The following CDIN1 variants were observed in gnomAD, a reference collection of about 807,000 sequenced individuals.
CDIN1 encodes the protein CDAN1-interacting nuclease 1.
In CDIN1, 33 loss-of-function variants were observed where a neutral mutation model predicts 45.3. The observed-to-expected ratio is 0.73, with a 90% confidence interval of 0.55 to 0.97. The LOEUF (loss-of-function observed/expected upper bound fraction) is 0.97, where lower values mean the gene tolerates loss of function less well. Among genes scored for constraint, CDIN1 ranks in the 50% least tolerant of loss-of-function variants. The pLI, the probability that CDIN1 is intolerant of heterozygous loss-of-function variation, is 0.00. For missense variants in CDIN1, 303 were observed against 339.4 expected, an observed-to-expected ratio of 0.89 and a Z score of 0.84; for synonymous variants, 118 against 124.4, an observed-to-expected ratio of 0.95 and a Z score of 0.34.
rs142354965 is a variant in CDIN1, at chr15:36,653,860, G to C, written c.213-238G>C. ...GTAGGAGGTGAAAGAAAACAAGGGA[G>C]ACCTAAGTATTTACACCTTCTGCCC... On this transcript the variant is annotated intron_variant, in intron 3 of 10. Transcript: ENST00000566621. Among the ~76,000 whole-genome samples, 207 of 152,324 alleles carry C rather than the reference G, an allele frequency of 1.4e-3. 1 individual carries two copies. The Middle Eastern group carries it at 0.017, about 13-fold the overall frequency.
chr15:36,582,280 AG>A (rs1376612768), intron 1 of CDIN1, among the ~76,000 whole-genome samples: 1 of 152,228 alleles, frequency 6.6e-6, no homozygotes, highest in Non-Finnish European at 1.5e-5. Context: ...CAGTCATACA[AG>A]TGCTTTCCTG....
At chr15:36,704,936 G>A (rs897684156) in intron 8 of CDIN1, 1 of 152,104 alleles carries the variant, frequency 6.6e-6, no homozygotes, top group Non-Finnish European at 1.5e-5. Flanking sequence ...TGATTCTTAA[G>A]TATATGTTAA....
chr15:36,642,878 A>G (rs1466985446), intron 1 of CDIN1, among the ~76,000 whole-genome samples: 1 of 152,204 alleles, frequency 6.6e-6, no homozygotes, highest in Non-Finnish European at 1.5e-5. Flanking sequence ...TATTTATGGC[A>G]CATAAATATC....
chr15:36,766,114 A>G (rs1259024966), intron 10 of CDIN1, among the ~76,000 whole-genome samples: 2 of 152,156 alleles, frequency 1.3e-5, no homozygotes, highest in Non-Finnish European at 2.9e-5. Flanking sequence ...CTCTGCTTCT[A>G]TGAATTTGAC....
At chr15:36,664,797 T>C (rs188625538) in intron 5 of CDIN1, among the ~76,000 whole-genome samples, 1,730 of 152,218 alleles carry the variant, frequency 0.011, 28 homozygotes, top group African/African-American at 0.039. Flanking sequence ...CCGCCCGCCT[T>C]GGCCTCCCAA....
intron 8 of CDIN1, chr15:36,706,403 A>G (rs1055200538): frequency 1.3e-5 from 2 of 152,198 alleles, no homozygotes; most frequent in African/African-American, 4.8e-5. Flanking sequence ...ATTTGAGGTC[A>G]GGAGTTTAAG....
chr15:36,604,804 A>G (rs2038284754), intron 1 of CDIN1, among the ~76,000 whole-genome samples: 1 of 152,208 alleles, frequency 6.6e-6, no homozygotes, highest in African/African-American at 2.4e-5. Context: ...CTCTTTGCCT[A>G]ATAGATTTAC....
chr15:36,667,125 G>A (rs115320781), intron 5 of CDIN1, among the ~76,000 whole-genome samples: 6 of 152,148 alleles, frequency 3.9e-5, no homozygotes, highest in Admixed American at 1.3e-4. Flanking sequence ...TCTTCTGAAA[G>A]TTAGTTACGT....
At chr15:36,752,417 TTTTGAAGTGAC>T (rs1341379411) in intron 10 of CDIN1, among the ~76,000 whole-genome samples, 1 of 152,202 alleles carries the variant, frequency 6.6e-6, no homozygotes, top group Admixed American at 6.5e-5. Context: ...ACGCTATCTG[TTTTGAAGTGAC>T]TTTTAATTTG....
chr15:36,635,708 T>A (rs1310956712), intron 1 of CDIN1, among the ~76,000 whole-genome samples: 2 of 152,198 alleles, frequency 1.3e-5, no homozygotes, highest in East Asian at 3.8e-4. Flanking sequence ...GAATTAAACT[T>A]TGTTCGGGGA....
At chr15:36,620,782 T>TA (rs34208906) in intron 1 of CDIN1, among the ~76,000 whole-genome samples, 83,685 of 151,278 alleles carry the variant, frequency 0.55, 23,444 homozygotes, top group Admixed American at 0.64. Context: ...AAAATATTAT[T>TA]TTTTTTTTAA....
chr15:36,691,788 T>G, intron 6 of CDIN1, 24 bp downstream of exon 6: 1 of 1,497,354 alleles, frequency 6.7e-7, no homozygotes, highest in African/African-American at 1.4e-5. Context: ...CTGTCTATTT[T>G]CAGTGGCAAT....
chr15:36,613,455 G>C, intron 1 of CDIN1: 3 of 1,540,254 alleles, frequency 1.9e-6, no homozygotes, highest in Non-Finnish European at 2.7e-6. Flanking sequence ...AGCGTGAGCA[G>C]TAGCTAGGTG....
intron 4 of CDIN1, among the ~76,000 whole-genome samples, 161 bp downstream of exon 4, chr15:36,654,319 G>A (rs1010110295): frequency 6.6e-6 from 1 of 152,048 alleles, no homozygotes; most frequent in Admixed American, 6.6e-5. Flanking sequence ...TTTAGTAATT[G>A]GACAAAGAAC....
At chr15:36,650,089 G>A (rs912451721) in intron 3 of CDIN1, among the ~76,000 whole-genome samples, 14 of 152,214 alleles carry the variant, frequency 9.2e-5, no homozygotes, top group African/African-American at 1.7e-4. Flanking sequence ...ATCTTCTAAC[G>A]CTGCTAAAGC....
Position 36,592,577 on chromosome 15 carries a change from T to G in CDIN1, c.101+12616T>G, listed in dbSNP as rs1160244247. 2.6e-5 allele frequency among the ~76,000 whole-genome samples: 4 copies of G among 152,218 alleles called. 1 individual carries two copies. Among genetic ancestry groups the G allele is most frequent in the Admixed American group, 2.6e-4 (4 of 15,282 alleles). On this transcript the variant is annotated intron_variant, in intron 1 of 10. Transcript: ENST00000566621. ...ACTACCATGTGTAACTCGTTCATTC[T>G]TATAAGATTTTTGTCATTGTTGGGT... is the stretch of plus-strand genomic sequence containing the variant.
At chr15:36,755,782 A>T (rs2053594410) in intron 10 of CDIN1, among the ~76,000 whole-genome samples, 1 of 152,146 alleles carries the variant, frequency 6.6e-6, no homozygotes, top group African/African-American at 2.4e-5. Context: ...ATCACTTAAG[A>T]TTGCGGTCAG....
chr15:36,588,063 A>G (rs894746036), intron 1 of CDIN1, among the ~76,000 whole-genome samples: 6 of 152,232 alleles, frequency 3.9e-5, no homozygotes, highest in African/African-American at 1.4e-4. Flanking sequence ...CTTTTGAAAC[A>G]TAAAACACAA....
chr15:36,799,539 T>C (rs1342216446), intron 10 of CDIN1: 1 of 152,138 alleles, frequency 6.6e-6, no homozygotes, highest in Admixed American at 6.5e-5. Context: ...AGGGCTGATG[T>C]GAATAAATAC....
Sources: allele counts gnomAD v4.1 joint callset (sites outside exome capture counted in the v4.1 genomes callset), GRCh38; gene constraint gnomAD v4.1.1; transcripts MANE v1.5; gene names NCBI Gene and HGNC (gene_info 2026-07-23, HGNC 2026-07-21).